The following MYCBP2 variants were observed in gnomAD, a reference collection of about 807,000 sequenced individuals.
MYCBP2 encodes MYC binding protein 2, also known as E3 ubiquitin-protein ligase MYCBP2.
MYCBP2 carries 120 observed loss-of-function variants against 525.3 expected under a neutral mutation model. The observed-to-expected ratio is 0.23, with a 90% confidence interval of 0.20 to 0.27. MYCBP2 has a LOEUF of 0.27. Ranked by LOEUF, MYCBP2 falls within the 10% of genes least tolerant of loss-of-function variation. MYCBP2 has a pLI of 1.00. For synonymous variants in MYCBP2, 1,894 were observed against 1,955.8 expected (o/e 0.97, Z 0.83); for missense variants, 4,149 against 5,657.1 (o/e 0.73, Z 8.55).
Position 77,099,039 on chromosome 13 carries a change from C to T in MYCBP2, c.8141-26G>A, listed in dbSNP as rs376448046. 4.4e-5 allele frequency: 70 copies of T among 1,585,928 alleles called. No homozygotes were observed. The Middle Eastern group carries it at 3.7e-3, about 84-fold the overall frequency. On this transcript the variant is annotated intron_variant, in intron 55 of 82. Transcript: ENST00000544440. Reference sequence around the variant, plus strand: ...CTGTATGGTCCATTTTACAGTGAAACTTATTAATAAAATTATAACTTACTG... The same window carrying T: ...CTGTATGGTCCATTTTACAGTGAAATTTATTAATAAAATTATAACTTACTG...
intron 47 of MYCBP2, among the ~76,000 whole-genome samples, chr13:77,147,057 A>G (rs1418903127): frequency 6.6e-6 from 1 of 152,200 alleles, no homozygotes; most frequent in Non-Finnish European, 1.5e-5. Flanking sequence ...AATGACCTAT[A>G]GCTACACGGC....
At position 77,143,427 on chromosome 13, in the gene MYCBP2, A is replaced by C. The variant is rs190860117; in HGVS notation, c.7303+1018T>G. On this transcript the variant is annotated intron_variant, in intron 49 of 82. Coordinates refer to ENST00000544440, the MANE Select transcript of MYCBP2 (RefSeq NM_015057.5). ...TCCTCTACTGTCCCTTGACATTTGAACTCCAGGGTCCCCAGCATTTAGACT... is the reference window on the plus strand; with the variant it reads ...TCCTCTACTGTCCCTTGACATTTGACCTCCAGGGTCCCCAGCATTTAGACT... Among the ~76,000 whole-genome samples the C allele has an allele frequency of 2.5e-4, 38 of 152,026 alleles. No homozygotes were observed. In the East Asian group the frequency reaches 6.6e-3, roughly 26 times the overall value.
intron 55 of MYCBP2, among the ~76,000 whole-genome samples, chr13:77,115,506 C>A (rs922082671): frequency 6.6e-6 from 1 of 151,770 alleles, no homozygotes; most frequent in South Asian, 2.1e-4. Flanking sequence ...ACTAGAATAA[C>A]ACTTGAAATA....
chr13:77,108,161 G>A (rs934484919), intron 55 of MYCBP2, among the ~76,000 whole-genome samples: 1 of 152,084 alleles, frequency 6.6e-6, no homozygotes, highest in Non-Finnish European at 1.5e-5. Flanking sequence ...ATCTGAATGT[G>A]GAAAGAAGAT....
chr13:77,211,839 T>C (rs1466039032), intron 22 of MYCBP2, 117 bp downstream of exon 22: 2 of 793,796 alleles, frequency 2.5e-6, no homozygotes, highest in Non-Finnish European at 4.0e-6. Flanking sequence ...TAAATTTCTT[T>C]GAGCAGAAAG....
chr13:77,076,190 CAT>C (rs1262735865), intron 68 of MYCBP2: 2 of 152,160 alleles, frequency 1.3e-5, no homozygotes, highest in African/African-American at 4.8e-5. Context: ...ATTTACTAAA[CAT>C]GTGTGTGATG....
rs117823495 is a variant in MYCBP2 at position 77,147,419 on chromosome 13, A to G, written c.7132-1202T>C. Reference sequence around the variant, plus strand: ...GTAGGTACATGAAACTTGGCACATTATTCTGAATACTTCTGTATGCCTGCA... The same window carrying G: ...GTAGGTACATGAAACTTGGCACATTGTTCTGAATACTTCTGTATGCCTGCA... On this transcript the variant is annotated intron_variant, in intron 47 of 82. Coordinates refer to ENST00000544440, the MANE Select transcript of MYCBP2 (RefSeq NM_015057.5). Among the ~76,000 whole-genome samples the G allele has an allele frequency of 9.9e-5, 15 of 152,256 alleles. No homozygotes were observed. In the East Asian group the frequency reaches 2.9e-3, roughly 29 times the overall value.
chr13:77,130,771 AAAC>A (rs779959738), intron 52 of MYCBP2, among the ~76,000 whole-genome samples: 6 of 152,152 alleles, frequency 3.9e-5, no homozygotes, highest in Non-Finnish European at 8.8e-5. Flanking sequence ...TTTTGACATA[AAAC>A]AATATCACTT....
At chr13:77,307,283 C>T (rs2079560334) in intron 1 of MYCBP2, among the ~76,000 whole-genome samples, 2 of 152,096 alleles carry the variant, frequency 1.3e-5, no homozygotes, top group South Asian at 4.1e-4. Context: ...ACCATACATC[C>T]CTCTCTTTGT....
At chr13:77,235,855 T>C (rs2067839378) in intron 17 of MYCBP2, among the ~76,000 whole-genome samples, 1 of 150,306 alleles carries the variant, frequency 6.7e-6, no homozygotes, top group Non-Finnish European at 1.5e-5. Context: ...CCACATAAGA[T>C]GAGGTCAAAT....
chr13:77,268,009 C>A (rs898477040), intron 7 of MYCBP2, 72 bp from the exon 8 acceptor site: 1 of 892,438 alleles, frequency 1.1e-6, no homozygotes, highest in Admixed American at 2.1e-5. Flanking sequence ...CCATACAGCT[C>A]CATATTACAG....
At chr13:77,107,479 G>A (rs919728652) in intron 55 of MYCBP2, among the ~76,000 whole-genome samples, 7 of 152,134 alleles carry the variant, frequency 4.6e-5, no homozygotes, top group South Asian at 2.1e-4. Flanking sequence ...GCTCAAGTCC[G>A]TTATCCTAGC....
intron 81 of MYCBP2, 34 bp downstream of exon 81, chr13:77,051,777 T>C: frequency 1.3e-6 from 2 of 1,512,584 alleles, no homozygotes; most frequent in Non-Finnish European, 1.8e-6. Context: ...TTAACATTTC[T>C]AAACTGTTGT....
In MYCBP2 at chr13:77,184,262, G is replaced by A. The variant is rs183071664; in HGVS notation, c.4719+841C>T. ...TTTGATCAACTGCTTACTTAGAAGTGCTGTCATTTTCCAAATGTTTGGTGC... is the reference window on the plus strand; with the variant it reads ...TTTGATCAACTGCTTACTTAGAAGTACTGTCATTTTCCAAATGTTTGGTGC... On this transcript the variant is annotated intron_variant, in intron 32 of 82. Coordinates refer to ENST00000544440, the MANE Select transcript of MYCBP2 (RefSeq NM_015057.5). 3.3e-3 allele frequency among the ~76,000 whole-genome samples: 504 copies of A among 152,270 alleles called. 1 individual carries two copies. The highest frequency in any genetic ancestry group is 0.011 in the South Asian group (53 of 4,822).
In MYCBP2 at chr13:77,168,589, T is replaced by G. The variant is rs1566786761; in HGVS notation, c.5953A>C (p.Asn1985His). The change falls in exon 40 of 83, where the codon AAT (asparagine) becomes CAT (histidine). Residue 1985 changes from asparagine (N) to histidine (H), a missense_variant. Transcript: ENST00000544440. Reference protein sequence around the residue: ...QQLLPSVAILNQKYAPPAFNP... With the variant: ...QQLLPSVAILHQKYAPPAFNP... Reference sequence around the variant, plus strand: ...AAGGCAGGCGGTGCATACTTCTGATTCAAAATGGCAACTGACGGAAGCAAT... The same window carrying G: ...AAGGCAGGCGGTGCATACTTCTGATGCAAAATGGCAACTGACGGAAGCAAT... 5.6e-6 allele frequency: 9 copies of G among 1,614,140 alleles called. No individual in the cohort carries two copies. The highest frequency in any genetic ancestry group is 7.6e-6 in the Non-Finnish European group (9 of 1,180,024).
rs1004852161 is a variant in MYCBP2, at chr13:77,190,129, G to A, written c.4154+123C>T. 5.8e-6 allele frequency: 3 copies of A among 520,972 alleles called. No individual in the cohort carries two copies. The Admixed American group carries it at 9.8e-5, about 17-fold the overall frequency. 32.3% of individuals were successfully genotyped at this position (520,972 alleles called of 1,614,324 possible). The stretch of plus-strand genomic sequence containing the variant: ...GTTAAATATATTTATAGTTCTACCA[G>A]CATATTATAATTTGCTGAATGCTTC... On this transcript the variant is annotated intron_variant, in intron 29 of 82. Coordinates refer to ENST00000544440, the MANE Select transcript of MYCBP2 (RefSeq NM_015057.5).
chr13:77,094,902 AC>A (rs1340387744), intron 58 of MYCBP2, among the ~76,000 whole-genome samples: 1 of 152,172 alleles, frequency 6.6e-6, no homozygotes, highest in Non-Finnish European at 1.5e-5. Context: ...GAGTATGAGT[AC>A]ATAGAAGCCA....
At chr13:77,089,645 C>T (rs2045024098) in intron 60 of MYCBP2, among the ~76,000 whole-genome samples, 1 of 145,280 alleles carries the variant, frequency 6.9e-6, no homozygotes. Flanking sequence ...GATCATGTAA[C>T]TGTTTTTTTT....
chr13:77,287,228 C>T (rs2076961027), intron 3 of MYCBP2, among the ~76,000 whole-genome samples: 1 of 149,810 alleles, frequency 6.7e-6, no homozygotes, highest in Non-Finnish European at 1.5e-5. Flanking sequence ...CTCTGTCACC[C>T]AGGCCGGAGT....
Sources: gnomAD v4.1 joint callset for allele counts (sites outside exome capture counted in the v4.1 genomes callset) on GRCh38, gnomAD v4.1.1 for gene constraint, MANE v1.5 for transcripts, NCBI Gene and HGNC (gene_info 2026-07-23, HGNC 2026-07-21) for gene names.